TRPM3: variants seen among roughly 807,000 people sequenced by gnomAD.
TRPM3 encodes transient receptor potential cation channel subfamily M member 3.
A neutral mutation model predicts 181.2 loss-of-function variants in TRPM3; 77 were observed. The observed-to-expected ratio is 0.42, with a 90% CI of 0.35 to 0.51. The LOEUF is 0.51. Among genes scored for constraint, TRPM3 ranks in the 20% least tolerant of loss-of-function variants. The pLI, the probability that TRPM3 is intolerant of heterozygous loss-of-function variation, is 0.01. For synonymous variants in TRPM3, 745 were observed against 796.4 expected, an observed-to-expected ratio of 0.94 and a Z score of 1.09; for missense variants, 1,759 against 2,196.7, an observed-to-expected ratio of 0.80 and a Z score of 3.98.
chr9:70,656,356 C>T (rs989765579), intron 9 of TRPM3, among the ~76,000 whole-genome samples: 11 of 152,218 alleles, frequency 7.2e-5, no homozygotes. Flanking sequence ...AGTAAGATTA[C>T]CATAACTTCT....
At chr9:70,635,136 C>T in intron 12 of TRPM3, 75 bp downstream of exon 12, 1 of 1,366,626 alleles carries the variant, frequency 7.3e-7, no homozygotes. Context: ...GCAGCTCATG[C>T]AAAACAGAGG....
chr9:70,752,056 GC>G (rs2076286203), intron 8 of TRPM3, among the ~76,000 whole-genome samples: 19 of 109,474 alleles, frequency 1.7e-4, no homozygotes, highest in African/African-American at 5.0e-4. Context: ...GTGTGCGCGC[GC>G]GCGCGCATAC....
chr9:70,845,917 A>G (rs2094933925), intron 4 of TRPM3, among the ~76,000 whole-genome samples: 1 of 152,240 alleles, frequency 6.6e-6, no homozygotes, highest in South Asian at 2.1e-4. Context: ...TTAATAAAAT[A>G]TTTTAAACAA....
chr9:71,380,012 T>C (rs1009075666), intron 1 of TRPM3, among the ~76,000 whole-genome samples: 6 of 152,050 alleles, frequency 3.9e-5, no homozygotes, highest in South Asian at 2.1e-4. Context: ...AATTTTAAGA[T>C]GGAGCAGGGG....
At chr9:71,243,531 T>G (rs936233216) in intron 1 of TRPM3, among the ~76,000 whole-genome samples, 3 of 152,254 alleles carry the variant, frequency 2.0e-5, no homozygotes, top group Non-Finnish European at 4.4e-5. Flanking sequence ...TTACTGTCTG[T>G]CTCTCTGAGA....
chr9:71,380,858 T>G (rs1282122234), intron 1 of TRPM3, among the ~76,000 whole-genome samples: 1 of 152,078 alleles, frequency 6.6e-6, no homozygotes, highest in African/African-American at 2.4e-5. Flanking sequence ...GACTCAGAAC[T>G]GCTTAATACT....
At chr9:71,112,735 T>G (rs1565222887) in intron 1 of TRPM3, among the ~76,000 whole-genome samples, 1 of 152,216 alleles carries the variant, frequency 6.6e-6, no homozygotes, top group Non-Finnish European at 1.5e-5. Flanking sequence ...GAAGAGCTAA[T>G]AATACCACAA....
chr9:70,854,201 C>A (rs955440396), intron 3 of TRPM3, among the ~76,000 whole-genome samples: 2 of 152,340 alleles, frequency 1.3e-5, no homozygotes, highest in South Asian at 4.1e-4. Context: ...GCTCACCTTA[C>A]AAATAACAAG....
At chr9:71,430,175 A>T (rs1282547971) in intron 1 of TRPM3, among the ~76,000 whole-genome samples, 1 of 152,248 alleles carries the variant, frequency 6.6e-6, no homozygotes, top group Admixed American at 6.5e-5. Flanking sequence ...CTGGAACTTG[A>T]TAAAATGAAA....
chr9:70,876,375 A>G (rs1477571966), intron 1 of TRPM3, among the ~76,000 whole-genome samples: 2 of 151,080 alleles, frequency 1.3e-5, no homozygotes, highest in Admixed American at 6.6e-5. Context: ...AAATAATCAC[A>G]ATTCAAATGT....
chr9:71,069,593 C>T (rs1381497636), intron 1 of TRPM3, among the ~76,000 whole-genome samples: 1 of 149,488 alleles, frequency 6.7e-6, no homozygotes, highest in East Asian at 2.0e-4. Flanking sequence ...GCCTGTATGC[C>T]AAAATTCCTT....
chr9:70,918,593 A>C (rs1169447419), intron 1 of TRPM3, among the ~76,000 whole-genome samples: 1 of 152,182 alleles, frequency 6.6e-6, no homozygotes, highest in Admixed American at 6.5e-5. Flanking sequence ...ACAACATACC[A>C]AAAACTGTGG....
chr9:71,270,887 G>A (rs1388555932), intron 1 of TRPM3, among the ~76,000 whole-genome samples: 1 of 152,144 alleles, frequency 6.6e-6, no homozygotes, highest in African/African-American at 2.4e-5. Flanking sequence ...GAATCTTATG[G>A]AAAGATCCAT....
intron 1 of TRPM3, among the ~76,000 whole-genome samples, chr9:71,150,277 T>C (rs1198604083): frequency 6.6e-6 from 1 of 152,056 alleles, no homozygotes; most frequent in Non-Finnish European, 1.5e-5. Flanking sequence ...ACATAAAAGA[T>C]TGCTATCATT....
chr9:70,746,265 AAC>A (rs1388427989), intron 8 of TRPM3, among the ~76,000 whole-genome samples: 1 of 44,708 alleles, frequency 2.2e-5, no homozygotes, highest in Admixed American at 2.8e-4. Context: ...GAAAAACAAA[AAC>A]AGAGAGAGAG....
chr9:71,279,441 A>T (rs1031224857), intron 1 of TRPM3, among the ~76,000 whole-genome samples: 4 of 152,242 alleles, frequency 2.6e-5, no homozygotes, highest in Non-Finnish European at 5.9e-5. Context: ...TTTTAAAAGA[A>T]ACTGAAATCT....
intron 15 of TRPM3, 128 bp downstream of exon 15, chr9:70,621,112 TTATA>T (rs1382756530): frequency 4.5e-6 from 1 of 221,458 alleles, no homozygotes; most frequent in African/African-American, 2.4e-5. Flanking sequence ...TATATATATA[TTATA>T]TATAGTATAT....
At chr9:70,878,900 TTGGGA>T (rs2095925358) in intron 1 of TRPM3, among the ~76,000 whole-genome samples, 1 of 152,112 alleles carries the variant, frequency 6.6e-6, no homozygotes, top group Admixed American at 6.6e-5. Flanking sequence ...TACATCTAAG[TTGGGA>T]AAACACCCTG....
chr9:71,305,550 G>C (rs1407590995), intron 1 of TRPM3, among the ~76,000 whole-genome samples: 1 of 152,160 alleles, frequency 6.6e-6, no homozygotes, highest in Non-Finnish European at 1.5e-5. Context: ...GTTCTGACTA[G>C]ATGGAGTTAC....
Sources: gnomAD v4.1 joint callset for allele counts (sites outside exome capture counted in the v4.1 genomes callset) on GRCh38, gnomAD v4.1.1 for gene constraint, MANE v1.5 for transcripts, NCBI Gene and HGNC (gene_info 2026-07-23, HGNC 2026-07-21) for gene names.